Variants in FGFR2 observed in about 807,000 individuals in gnomAD.
FGFR2 encodes the protein fibroblast growth factor receptor 2.
A neutral mutation model predicts 95.9 loss-of-function variants in FGFR2; 19 were observed. The ratio of observed to expected loss-of-function variants is 0.20; its 90% CI spans 0.14 to 0.29. The LOEUF (loss-of-function observed/expected upper bound fraction) is 0.29. FGFR2 is among the 10% of genes least tolerant of loss of function. The pLI, the probability that FGFR2 is intolerant of heterozygous loss-of-function variation, is 1.00. For missense variants in FGFR2, 707 were observed against 1,056.9 expected (o/e 0.67, Z 4.59); for synonymous variants, 392 against 393.3 (o/e 1.00, Z 0.04).
chr10:121,590,442 G>T (rs995254747), intron 2 of FGFR2, among the ~76,000 whole-genome samples: 2 of 152,022 alleles, frequency 1.3e-5, no homozygotes, highest in Admixed American at 6.6e-5. Flanking sequence ...GCCCCCCTTC[G>T]AGTCAATAAC....
At chr10:121,482,020 G>T in intron 17 of FGFR2, 1 of 584,994 alleles carries the variant, frequency 1.7e-6, no homozygotes, top group East Asian at 3.2e-5. Context: ...TGTATCTTTA[G>T]TAGAGACAGG....
At chr10:121,562,616 T>A (rs76149371) in intron 4 of FGFR2, among the ~76,000 whole-genome samples, 10,757 of 151,922 alleles carry the variant, frequency 0.071, 1,276 homozygotes, top group African/African-American at 0.25. Context: ...AACGGGTAAA[T>A]AAACTTTGAT....
chr10:121,594,579 T>C (rs1863160332), intron 1 of FGFR2, among the ~76,000 whole-genome samples: 1 of 152,198 alleles, frequency 6.6e-6, no homozygotes, highest in Non-Finnish European at 1.5e-5. Flanking sequence ...CAGGATTCAT[T>C]TTCAAATGGA....
At position 121,595,524 on chromosome 10, in the gene FGFR2, G is replaced by A. The variant is rs566715761; in HGVS notation, c.-150-1557C>T. On this transcript the variant is annotated intron_variant, in intron 1 of 17. Coordinates refer to ENST00000358487, the MANE Select transcript of FGFR2 (RefSeq NM_000141.5). ...GTGTGTGCGTGCACGGTGTGTGCAT[G>A]TGCTTTCAGATAGCTTGAAAGATTT... 2.6e-5 allele frequency among the ~76,000 whole-genome samples: 4 copies of A among 152,328 alleles called. No homozygotes were observed. The South Asian group carries it at 8.3e-4, about 32-fold the overall frequency.
intron 2 of FGFR2, among the ~76,000 whole-genome samples, chr10:121,584,120 A>G (rs543650314): frequency 1.8e-4 from 27 of 152,000 alleles, no homozygotes; most frequent in African/African-American, 5.1e-4. Context: ...CCTACCAAGT[A>G]ACCTCCATAG....
chr10:121,534,194 G>A lies in FGFR2; in HGVS notation c.748+4398C>T, dbSNP rs1211405202. Among the ~76,000 whole-genome samples the A allele has an allele frequency of 2.7e-5, 4 of 146,248 alleles. No homozygotes were observed. In the Admixed American group the frequency reaches 2.8e-4, roughly 10 times the overall value. On this transcript the variant is annotated intron_variant, in intron 6 of 17. Transcript: ENST00000358487. ...GCTCACTGCAACCTCTGCCTCCTGC[G>A]TTCAAGCGATTCTCCTGCCTCAGCC...
Position 121,517,502 on chromosome 10 carries a change from A to G in FGFR2, c.940-39T>C. 6.2e-7 allele frequency: 1 copy of G among 1,613,718 alleles called. No individual in the cohort carries two copies. Among genetic ancestry groups the G allele is most frequent in the Non-Finnish European group, 8.5e-7 (1 of 1,179,838 alleles). The stretch of plus-strand genomic sequence containing the variant: ...GAAGCAAAAGAAAAGGCTAGACGAC[A>G]CAGGAATGATTGTGGAGGGGGCTGT... On this transcript the variant is annotated intron_variant, in intron 7 of 17. Transcript: ENST00000358487. The surrounding 1 kb of genome is among the most constrained non-coding windows in gnomAD (Gnocchi z 4.7).
Position 121,531,764 on chromosome 10 carries a change from C to G in FGFR2, c.748+6828G>C, listed in dbSNP as rs913837200. 3.9e-5 allele frequency among the ~76,000 whole-genome samples: 6 copies of G among 152,126 alleles called. No homozygotes were observed. Among genetic ancestry groups the G allele is most frequent in the African/African-American group, 1.2e-4 (5 of 41,430 alleles). On this transcript the variant is annotated intron_variant, in intron 6 of 17. Coordinates refer to ENST00000358487, the MANE Select transcript of FGFR2 (RefSeq NM_000141.5). The surrounding 1 kb of genome is among the most constrained non-coding windows in gnomAD (Gnocchi z 4.5). ...AAACAGAACTTGACACCCCTCTCCA[C>G]GTAATTTCCACCTGAACCTCCAGAG...
chr10:121,547,963 T>C (rs1451250182), intron 5 of FGFR2, among the ~76,000 whole-genome samples: 1 of 152,158 alleles, frequency 6.6e-6, no homozygotes, highest in Non-Finnish European at 1.5e-5. Flanking sequence ...GAAGGAACCT[T>C]CCCAGGAGAT....
intron 5 of FGFR2, among the ~76,000 whole-genome samples, chr10:121,540,262 A>G (rs962340995): frequency 8.5e-5 from 13 of 152,134 alleles, no homozygotes; most frequent in East Asian, 1.9e-4. Context: ...TCGCAGGTAA[A>G]ATGTCTGGCA....
intron 1 of FGFR2, among the ~76,000 whole-genome samples, 168 bp downstream of exon 1, chr10:121,597,794 C>T (rs566962237): frequency 6.6e-6 from 1 of 152,346 alleles, no homozygotes; most frequent in South Asian, 2.1e-4. Context: ...ACGCACCCAC[C>T]TCCCCCATCA....
chr10:121,533,154 C>T (rs529219159), intron 6 of FGFR2, among the ~76,000 whole-genome samples: 4 of 152,264 alleles, frequency 2.6e-5, no homozygotes, highest in East Asian at 1.9e-4. Flanking sequence ...TTTGGGAGGC[C>T]GAGGCGGGCG....
chr10:121,519,110 T>A (rs945143891), intron 7 of FGFR2, among the ~76,000 whole-genome samples: 18 of 152,194 alleles, frequency 1.2e-4, no homozygotes, highest in African/African-American at 4.1e-4. Flanking sequence ...CTTGGAATTA[T>A]TAGCTGGTGA....
intron 6 of FGFR2, among the ~76,000 whole-genome samples, chr10:121,520,657 T>C (rs1850407040): frequency 6.6e-6 from 1 of 152,202 alleles, no homozygotes; most frequent in African/African-American, 2.4e-5. Flanking sequence ...TTTTTTTCTT[T>C]TCTCAGACGG....
intron 2 of FGFR2, among the ~76,000 whole-genome samples, chr10:121,579,369 T>C (rs1362072029): frequency 6.6e-6 from 1 of 152,158 alleles, no homozygotes; most frequent in Non-Finnish European, 1.5e-5. Context: ...GGCCTGCAGA[T>C]TGCTTTTTCC....
chr10:121,568,295 G>A (rs1358919103), intron 2 of FGFR2, among the ~76,000 whole-genome samples: 3 of 152,176 alleles, frequency 2.0e-5, no homozygotes, highest in Admixed American at 2.0e-4. Flanking sequence ...TGTCCTTTGA[G>A]TCCCAGGTCT....
intron 2 of FGFR2, among the ~76,000 whole-genome samples, chr10:121,586,169 A>G (rs946468416): frequency 8.5e-5 from 13 of 152,322 alleles, no homozygotes; most frequent in Non-Finnish European, 1.5e-4. Context: ...CACATATAGT[A>G]ATATAGGAGC....
At chr10:121,569,399 T>C (rs1334370820) in intron 2 of FGFR2, among the ~76,000 whole-genome samples, 1 of 152,090 alleles carries the variant, frequency 6.6e-6, no homozygotes, top group Non-Finnish European at 1.5e-5. Flanking sequence ...TTTTTTGTAT[T>C]TTTATGAGAG....
chr10:121,573,861 C>G (rs1302231080), intron 2 of FGFR2, among the ~76,000 whole-genome samples: 1 of 152,164 alleles, frequency 6.6e-6, no homozygotes, highest in Non-Finnish European at 1.5e-5. Context: ...CCTCCCACAC[C>G]TCCTGCCACC....
Sources: allele counts gnomAD v4.1 joint callset (sites outside exome capture counted in the v4.1 genomes callset), GRCh38; gene constraint gnomAD v4.1.1; non-coding constraint Gnocchi (gnomAD v3.1); transcripts MANE v1.5; gene names NCBI Gene and HGNC (gene_info 2026-07-23, HGNC 2026-07-21).